The following ZNF536 variants were observed in gnomAD, a reference collection of about 807,000 sequenced individuals.
The protein encoded by ZNF536 is zinc finger protein 536.
In ZNF536, 13 loss-of-function variants were observed where a neutral mutation model predicts 84.5. The ratio of observed to expected loss-of-function variants is 0.15; its 90% confidence interval spans 0.10 to 0.24. ZNF536 has a LOEUF of 0.24. Ranked by LOEUF, ZNF536 falls within the 10% of genes least tolerant of loss-of-function variation. The pLI is 1.00. For missense variants in ZNF536, 1,536 were observed against 1,747.5 expected (o/e 0.88, Z 2.16); for synonymous variants, 811 against 742.5 (o/e 1.09, Z -1.50).
At chr19:30,540,105 AG>A (rs1396578979) in intron 3 of ZNF536, among the ~76,000 whole-genome samples, 3 of 152,316 alleles carry the variant, frequency 2.0e-5, no homozygotes, top group South Asian at 2.1e-4. Context: ...GGATCCGCAC[AG>A]GGAAGTCAGT....
Position 30,548,287 on chromosome 19 carries a change from C to A in ZNF536, c.2668C>A (p.Leu890Ile), listed in dbSNP as rs549753515. 5.0e-5 allele frequency: 80 copies of A among 1,614,244 alleles called. No individual in the cohort carries two copies. The East Asian group carries it at 1.3e-3, about 26-fold the overall frequency. ...VPSDALKGTD[L>I]PSKSTHFSEI... is the part of the protein sequence containing the mutation. ...CTCAGATGCTCTGAAAGGCACTGAC[C>A]TTCCTTCCAAAAGCACCCACTTCTC... The change falls in exon 4 of 5, where the codon CTT becomes ATT. Residue 890 changes from leucine to isoleucine, a missense_variant. This residue lies in a region of ZNF536 where 624 missense variants were observed against 603.1 expected (regional missense o/e 1.03). Transcript: ENST00000355537.
intron 1 of ZNF536, among the ~76,000 whole-genome samples, chr19:30,676,195 A>C (rs184157708): frequency 6.6e-6 from 1 of 152,300 alleles, no homozygotes; most frequent in East Asian, 1.9e-4. Context: ...ACACTTTGGG[A>C]AATTCATTGA....
Position 30,677,563 on chromosome 19 carries a change from A to G in ZNF536, c.170-33194A>G, listed in dbSNP as rs551642565. On this transcript the variant is annotated intron_variant, in intron 1 of 1. Coordinates refer to the ZNF536 transcript ENST00000592773. ...ATCCTGGCCCTCAGGCCCAGAGCAA[A>G]ATGTCCCCCGGGGACACAGGAAAAG... Among the ~76,000 whole-genome samples the G allele has an allele frequency of 2.0e-5, 3 of 152,266 alleles. No homozygotes were observed. The East Asian group carries it at 5.8e-4, about 29-fold the overall frequency.
chr19:30,367,159 C>T (rs1483183698), intron 3 of ZNF536, among the ~76,000 whole-genome samples: 1 of 152,234 alleles, frequency 6.6e-6, no homozygotes, highest in African/African-American at 2.4e-5. Context: ...TCTGACCTCT[C>T]ACCTCTGAAA....
At chr19:30,536,455 C>T (rs1040314945) in intron 3 of ZNF536, among the ~76,000 whole-genome samples, 4 of 152,262 alleles carry the variant, frequency 2.6e-5, no homozygotes, top group Non-Finnish European at 4.4e-5. Context: ...TGGGCTCCAT[C>T]GCTTATTTGT....
rs2146209082 is a variant in ZNF536 at position 30,548,604 on chromosome 19, G to A, written c.2985G>A (p.Gln995=). 1 of 1,614,182 alleles carries A rather than the reference G, an allele frequency of 6.2e-7. No homozygotes were observed. Among genetic ancestry groups the A allele is most frequent in the Non-Finnish European group, 8.5e-7 (1 of 1,180,042 alleles). ...TCCCGGGCTCCTCGGTAACTGTGCA[G>A]GACAGCATTGCATGGCACGGCTGCT... The part of the protein sequence containing the change: ...ASLPGSSVTV[Q]DSIAWHGCLF... The change falls in exon 4 of 5, where the codon CAG becomes CAA. Residue 995 remains glutamine (Q), a synonymous_variant. Coordinates refer to ENST00000355537, the MANE Select transcript of ZNF536 (RefSeq NM_014717.3).
chr19:30,239,161 A>C (rs113391959), intron 1 of ZNF536, among the ~76,000 whole-genome samples: 5 of 152,322 alleles, frequency 3.3e-5, no homozygotes, highest in African/African-American at 1.2e-4. Context: ...TGCTGTATGA[A>C]GAAGCAAGCC....
rs34995610 is a variant in ZNF536, at chr19:30,569,559, CTTTTTTTTTT to C, written c.169+20066_169+20075del. The stretch of plus-strand genomic sequence containing the variant: ...ATGGAATCGAAGCCAGATAAACGTT[CTTTTTTTTTT>C]TTTTTTTTTTTTTTTTTTTTGAGAC... On this transcript the variant is annotated intron_variant, in intron 1 of 1. Transcript: ENST00000592773. 6.0e-4 allele frequency among the ~76,000 whole-genome samples: 33 copies of C among 55,090 alleles called. No homozygotes were observed. The East Asian group carries it at 0.025, about 42-fold the overall frequency. The allele number at this position is 55,090 out of a possible 152,430, so 36.1% of individuals were successfully genotyped here.
exon 2 of ZNF536, chr19:30,713,355 A>G (rs866829636): frequency 6.6e-6 from 1 of 152,090 alleles, no homozygotes; most frequent in Non-Finnish European, 1.5e-5. Flanking sequence ...TTCCTACGCA[A>G]AGAAAAAAAA....
intron 1 of ZNF536, among the ~76,000 whole-genome samples, chr19:30,591,317 AC>A (rs1226203673): frequency 6.6e-6 from 1 of 152,162 alleles, no homozygotes; most frequent in Non-Finnish European, 1.5e-5. Context: ...ATAAAGACAT[AC>A]CCAAGACTGG....
At chr19:30,471,303 A>G (rs1215918581) in intron 2 of ZNF536, among the ~76,000 whole-genome samples, 1 of 152,218 alleles carries the variant, frequency 6.6e-6, no homozygotes, top group African/African-American at 2.4e-5. Flanking sequence ...TCTACGCAGG[A>G]AAGCCACAGC....
At chr19:30,592,289 C>G (rs745977398) in intron 1 of ZNF536, among the ~76,000 whole-genome samples, 28 of 152,134 alleles carry the variant, frequency 1.8e-4, no homozygotes, top group Admixed American at 3.9e-4. Context: ...TATGGAGAGA[C>G]TGTTTAAATT....
chr19:30,446,838 A>G lies in ZNF536; in HGVS notation c.2170+1106A>G, dbSNP rs555099796. 3.4e-5 allele frequency among the ~76,000 whole-genome samples: 5 copies of G among 145,930 alleles called. No homozygotes were observed. The East Asian group carries it at 5.8e-4, about 17-fold the overall frequency. On this transcript the variant is annotated intron_variant, in intron 2 of 4. Transcript: ENST00000355537. Reference sequence around the variant, plus strand: ...AACAACAACAACAACAACAACAACAACAAAACACGCTAGCCTCAGACGGCT... The same window carrying G: ...AACAACAACAACAACAACAACAACAGCAAAACACGCTAGCCTCAGACGGCT...
chr19:30,649,179 G>C (rs1347013840), intron 1 of ZNF536, among the ~76,000 whole-genome samples: 1 of 152,114 alleles, frequency 6.6e-6, no homozygotes. Flanking sequence ...AGATGGACTT[G>C]GTGAGCAAAA....
intron 2 of ZNF536, among the ~76,000 whole-genome samples, chr19:30,302,741 T>C (rs139898867): frequency 3.3e-5 from 5 of 152,086 alleles, no homozygotes; most frequent in Admixed American, 6.5e-5. Context: ...GCCCTCTATA[T>C]AGAATGTCAG....
In ZNF536 at chr19:30,652,164, A is replaced by G. The variant is rs191519453; in HGVS notation, c.170-58593A>G. On this transcript the variant is annotated intron_variant, in intron 1 of 1. Transcript: ENST00000592773. The stretch of plus-strand genomic sequence containing the variant: ...CACAAACTCTTTTAATGTTCATTAT[A>G]AAATATGAAATATTTCTCAGAACCA... Among the ~76,000 whole-genome samples, 7 of 152,356 alleles carry G rather than the reference A, an allele frequency of 4.6e-5. No individual in the cohort carries two copies. The East Asian group carries it at 1.3e-3, about 29-fold the overall frequency.
intron 1 of ZNF536, among the ~76,000 whole-genome samples, chr19:30,238,163 A>C (rs1402681052): frequency 1.3e-5 from 2 of 152,200 alleles, no homozygotes; most frequent in Admixed American, 6.5e-5. Context: ...CATGTTGTTG[A>C]ATATTTTAGA....
intron 1 of ZNF536, among the ~76,000 whole-genome samples, chr19:30,634,197 A>G (rs1231932373): frequency 6.6e-6 from 1 of 152,184 alleles, no homozygotes; most frequent in Non-Finnish European, 1.5e-5. Flanking sequence ...CATTGGCTTA[A>G]GGCGCGGTGC....
chr19:30,274,433 A>T (rs1313640586), intron 1 of ZNF536, among the ~76,000 whole-genome samples: 1 of 152,238 alleles, frequency 6.6e-6, no homozygotes, highest in Non-Finnish European at 1.5e-5. Context: ...CATAAAAAGT[A>T]TAAAGAATAT....
Sources: gnomAD v4.1 joint callset for allele counts (sites outside exome capture counted in the v4.1 genomes callset) on GRCh38, gnomAD v4.1.1 for gene constraint, gnomAD v4.1.1 regional missense constraint, MANE v1.5 for transcripts, NCBI Gene and HGNC (gene_info 2026-07-23, HGNC 2026-07-21) for gene names.